SLC35F1: variants seen among roughly 807,000 people sequenced by gnomAD.
The protein encoded by SLC35F1 is solute carrier family 35 member F1.
SLC35F1 carries 14 observed loss-of-function variants against 48.7 expected under a neutral mutation model. That is an observed-to-expected ratio of 0.29 (90% confidence interval 0.19 to 0.45). The LOEUF is 0.45. Among genes scored for constraint, SLC35F1 ranks in the 20% least tolerant of loss-of-function variants. The pLI is 1.00. For missense variants in SLC35F1, 404 were observed against 500.0 expected (o/e 0.81, Z 1.83); for synonymous variants, 190 against 202.2 (o/e 0.94, Z 0.51).
intron 1 of SLC35F1, among the ~76,000 whole-genome samples, chr6:118,076,127 A>C (rs1772814144): frequency 6.6e-6 from 1 of 152,150 alleles, no homozygotes. Flanking sequence ...TTGGCCCCAT[A>C]CTTACTTAAA....
rs763594994 is a variant in SLC35F1 at position 118,077,956 on chromosome 6, T to TA, written c.174-76488dup. 3.1e-4 allele frequency among the ~76,000 whole-genome samples: 47 copies of TA among 152,316 alleles called. 1 individual carries two copies. Among genetic ancestry groups the TA allele is most frequent in the Non-Finnish European group, 5.4e-4 (37 of 68,028 alleles). On this transcript the variant is annotated intron_variant, in intron 1 of 7. Transcript: ENST00000360388. Reference sequence around the variant, plus strand: ...CTTCAGTAGAGGGTTAAGCTTGCTATAGGTTGTCAATTTAAGTTCTACCTT... The same window carrying TA: ...CTTCAGTAGAGGGTTAAGCTTGCTATAAGGTTGTCAATTTAAGTTCTACCTT...
rs568612355 is a variant in SLC35F1, at chr6:117,914,679, AT to A, written c.173+6781del. Among the ~76,000 whole-genome samples the A allele has an allele frequency of 2.6e-3, 403 of 152,352 alleles. 1 individual carries two copies. The highest frequency in any genetic ancestry group is 5.6e-3 in the Admixed American group (86 of 15,310). On this transcript the variant is annotated intron_variant, in intron 1 of 7. Transcript: ENST00000360388. ...CCATCAAGGGAGCAATTTAACTAAA[AT>A]AGAAATAAAGATAACATATACCTCT...
At chr6:117,943,077 G>A (rs1213040721) in intron 1 of SLC35F1, among the ~76,000 whole-genome samples, 1 of 152,060 alleles carries the variant, frequency 6.6e-6, no homozygotes, top group Non-Finnish European at 1.5e-5. Flanking sequence ...CAAATGTACC[G>A]ATCTTGTTAT....
chr6:118,048,462 C>T (rs1772333163), intron 1 of SLC35F1, among the ~76,000 whole-genome samples: 1 of 152,072 alleles, frequency 6.6e-6, no homozygotes, highest in South Asian at 2.1e-4. Flanking sequence ...ATTTAGAAAA[C>T]CCCATTGTCT....
intron 7 of SLC35F1, among the ~76,000 whole-genome samples, chr6:118,292,173 C>G (rs914406608): frequency 6.6e-6 from 1 of 152,034 alleles, no homozygotes; most frequent in African/African-American, 2.4e-5. Context: ...GGGTTCCCCT[C>G]TCACTGATTC....
chr6:118,118,675 C>A (rs1773506125), intron 1 of SLC35F1, among the ~76,000 whole-genome samples: 1 of 151,944 alleles, frequency 6.6e-6, no homozygotes, highest in African/African-American at 2.4e-5. Flanking sequence ...TTAAAAGAAT[C>A]CAGGAGTTGC....
At chr6:118,260,329 T>C (rs2114613235) in intron 3 of SLC35F1, among the ~76,000 whole-genome samples, 1 of 152,254 alleles carries the variant, frequency 6.6e-6, no homozygotes, top group Non-Finnish European at 1.5e-5. Context: ...ATGAATACAC[T>C]AAAAACCACT....
intron 1 of SLC35F1, among the ~76,000 whole-genome samples, chr6:118,049,027 T>C (rs540845876): frequency 5.3e-5 from 8 of 152,136 alleles, no homozygotes; most frequent in Admixed American, 5.2e-4. Context: ...TATAGATCAA[T>C]GGAACAGAAC....
intron 3 of SLC35F1, among the ~76,000 whole-genome samples, chr6:118,246,905 T>G (rs1582750519): frequency 6.6e-6 from 1 of 152,322 alleles, no homozygotes; most frequent in South Asian, 2.1e-4. Flanking sequence ...AAGTGACTTT[T>G]AACAGTGCCC....
intron 1 of SLC35F1, among the ~76,000 whole-genome samples, chr6:118,142,214 GTCTTT>G (rs1020087482): frequency 2.2e-4 from 33 of 152,140 alleles, no homozygotes; most frequent in Admixed American, 1.9e-3. Flanking sequence ...AGCTTGAGTT[GTCTTT>G]TCTTTTCACT....
intron 1 of SLC35F1, among the ~76,000 whole-genome samples, chr6:117,979,093 A>T (rs570876497): frequency 6.6e-6 from 1 of 152,340 alleles, no homozygotes; most frequent in South Asian, 2.1e-4. Context: ...CTTAGCCTGT[A>T]CTACTGTCTG....
At chr6:118,271,595 A>G (rs912130849) in intron 4 of SLC35F1, among the ~76,000 whole-genome samples, 3 of 152,152 alleles carry the variant, frequency 2.0e-5, no homozygotes, top group Non-Finnish European at 4.4e-5. Flanking sequence ...ATAACTCACC[A>G]TTTATTTCTT....
At chr6:118,017,116 C>T (rs1030552442) in intron 1 of SLC35F1, among the ~76,000 whole-genome samples, 1 of 152,156 alleles carries the variant, frequency 6.6e-6, no homozygotes, top group Non-Finnish European at 1.5e-5. Flanking sequence ...AAGATAGACC[C>T]AATGTCTTGA....
intron 2 of SLC35F1, among the ~76,000 whole-genome samples, chr6:118,231,588 C>A (rs919561807): frequency 6.6e-6 from 1 of 152,208 alleles, no homozygotes; most frequent in African/African-American, 2.4e-5. Context: ...TTCTGCTAAG[C>A]AAGCATGTTG....
At chr6:118,185,670 C>T (rs929323063) in intron 2 of SLC35F1, among the ~76,000 whole-genome samples, 1 of 152,056 alleles carries the variant, frequency 6.6e-6, no homozygotes, top group African/African-American at 2.4e-5. Flanking sequence ...CCTGCACAAC[C>T]CCAGGAAGTG....
intron 2 of SLC35F1, among the ~76,000 whole-genome samples, chr6:118,159,195 T>G (rs1774189612): frequency 8.8e-6 from 1 of 113,122 alleles, no homozygotes; most frequent in Admixed American, 1.4e-4. Context: ...CACTCCAGCC[T>G]GGGCCATAGA....
intron 6 of SLC35F1, among the ~76,000 whole-genome samples, chr6:118,278,867 C>A (rs1203618648): frequency 6.6e-6 from 1 of 152,176 alleles, no homozygotes; most frequent in Non-Finnish European, 1.5e-5. Context: ...AAGAATTTGT[C>A]CTCAAACTAT....
At chr6:117,996,617 G>A (rs548849150) in intron 1 of SLC35F1, among the ~76,000 whole-genome samples, 24 of 152,260 alleles carry the variant, frequency 1.6e-4, no homozygotes, top group African/African-American at 5.1e-4. Context: ...CAGCATTCGC[G>A]GTTCATGAAA....
intron 1 of SLC35F1, among the ~76,000 whole-genome samples, chr6:117,925,988 A>T (rs904601608): frequency 6.6e-6 from 1 of 152,134 alleles, no homozygotes; most frequent in Non-Finnish European, 1.5e-5. Context: ...TGGGGCTGGC[A>T]TTGGGTATAT....
Sources: gnomAD v4.1 joint callset for allele counts (sites outside exome capture counted in the v4.1 genomes callset) on GRCh38, gnomAD v4.1.1 for gene constraint, MANE v1.5 for transcripts, NCBI Gene and HGNC (gene_info 2026-07-23, HGNC 2026-07-21) for gene names.